ERC1: variants seen among roughly 807,000 people sequenced by gnomAD.
ERC1 encodes RAB6 interacting protein 2.
Under a neutral mutation model 132.0 loss-of-function variants are expected in ERC1, and 56 were observed. The ratio of observed to expected loss-of-function variants is 0.42; its 90% CI spans 0.34 to 0.53. The LOEUF is 0.53. Ranked by LOEUF, ERC1 falls within the 20% of genes least tolerant of loss-of-function variation. ERC1 has a pLI of 0.03. For synonymous variants in ERC1, 478 were observed against 476.1 expected, an observed-to-expected ratio of 1.00 and a Z score of -0.05; for missense variants, 1,202 against 1,349.9, an observed-to-expected ratio of 0.89 and a Z score of 1.72.
In ERC1 at chr12:1,041,752, G is replaced by A. The variant is rs1452531102; in HGVS notation, c.669+13180G>A. 3.9e-5 allele frequency among the ~76,000 whole-genome samples: 6 copies of A among 152,300 alleles called. No homozygotes were observed. The East Asian group carries it at 1.2e-3, about 29-fold the overall frequency. ...CTGTTCTTTAGTAACAGTGAGCAAT[G>A]GGAAAATGCTGTGAGTAATGGTGAG... On this transcript the variant is annotated intron_variant, in intron 2 of 18. Transcript: ENST00000360905.
chr12:1,033,610 T>TG (rs1968498176), intron 2 of ERC1, among the ~76,000 whole-genome samples: 1 of 152,034 alleles, frequency 6.6e-6, no homozygotes, highest in Non-Finnish European at 1.5e-5. Context: ...ATTACAGGCG[T>TG]GTGCCACCAT....
intron 1 of ERC1, among the ~76,000 whole-genome samples, chr12:1,023,239 G>T (rs1966636347): frequency 6.6e-6 from 1 of 152,164 alleles, no homozygotes; most frequent in African/African-American, 2.4e-5. Flanking sequence ...AATGGAGGAA[G>T]AGGATCAATT....
At chr12:1,144,669 C>G (rs1950187921) in intron 8 of ERC1, among the ~76,000 whole-genome samples, 1 of 137,622 alleles carries the variant, frequency 7.3e-6, no homozygotes, top group Non-Finnish European at 1.5e-5. Context: ...TATATACACA[C>G]CACATTTTCT....
In ERC1 at chr12:1,141,519, A is replaced by G. The variant is rs972785591; in HGVS notation, c.1570-101A>G. On this transcript the variant is annotated intron_variant, in intron 7 of 18. Coordinates refer to ENST00000360905, the MANE Select transcript of ERC1 (RefSeq NM_178040.4). ...TAGATAATACTACTTTTATAGAATA[A>G]CAAAACTCAACCTCTTTATAACCTT... 4.3e-6 allele frequency: 4 copies of G among 937,270 alleles called. No individual in the cohort carries two copies. In the African/African-American group the frequency reaches 6.7e-5, roughly 16 times the overall value. The allele number at this position is 937,270 out of a possible 1,614,324, so 58.1% of individuals were successfully genotyped here.
At chr12:1,490,005 C>T (rs2154434974) in intron 18 of ERC1, 88 bp from the exon 19 acceptor site, 1 of 1,404,502 alleles carries the variant, frequency 7.1e-7, no homozygotes, top group Non-Finnish European at 9.9e-7. Context: ...ATACAGAGTG[C>T]CTTTGTCATT....
At chr12:1,219,595 C>A (rs1958767878) in intron 12 of ERC1, among the ~76,000 whole-genome samples, 1 of 151,356 alleles carries the variant, frequency 6.6e-6, no homozygotes, top group Non-Finnish European at 1.5e-5. Context: ...TATATCACTT[C>A]TGTACTAGTC....
chr12:1,261,269 G>A (rs1176573418), intron 13 of ERC1, among the ~76,000 whole-genome samples: 4 of 152,198 alleles, frequency 2.6e-5, no homozygotes, highest in Non-Finnish European at 4.4e-5. Flanking sequence ...CAGTTTAAGA[G>A]TGGGATAGGA....
rs569456301 is a variant in ERC1, at chr12:1,403,973, G to A, written c.2926-4176G>A. Among the ~76,000 whole-genome samples the A allele has an allele frequency of 1.2e-4, 18 of 152,148 alleles. 1 individual carries two copies. The highest frequency in any genetic ancestry group is 4.3e-4 in the African/African-American group (18 of 41,522). On this transcript the variant is annotated intron_variant, in intron 16 of 18. Transcript: ENST00000360905. ...TTTCTTCTATTTTCCTTTTTTCTGA[G>A]AGCTGCTTTGCAGAAGACTTTGTCA...
intron 8 of ERC1, among the ~76,000 whole-genome samples, chr12:1,174,962 G>A (rs1176314907): frequency 6.6e-6 from 1 of 152,154 alleles, no homozygotes; most frequent in Non-Finnish European, 1.5e-5. Flanking sequence ...AGTAAAACGA[G>A]TCACACAAAT....
At chr12:1,296,387 A>G (rs73031206) in intron 15 of ERC1, among the ~76,000 whole-genome samples, 3,347 of 141,808 alleles carry the variant, frequency 0.024, 49 homozygotes, top group Middle Eastern at 0.067. Flanking sequence ...GAAATGAAAC[A>G]TTTATTGGAT....
intron 2 of ERC1, among the ~76,000 whole-genome samples, chr12:1,067,137 C>T (rs532722463): frequency 6.6e-6 from 1 of 152,226 alleles, no homozygotes; most frequent in South Asian, 2.1e-4. Flanking sequence ...ATAATACTTG[C>T]TCTATGGACG....
At chr12:1,352,618 C>G (rs754172915) in intron 15 of ERC1, among the ~76,000 whole-genome samples, 8 of 136,658 alleles carry the variant, frequency 5.9e-5, no homozygotes, top group Non-Finnish European at 1.3e-4. Flanking sequence ...AAACCCCCCA[C>G]ACACACAAAT....
chr12:1,205,553 C>T (rs1406138405), intron 12 of ERC1, among the ~76,000 whole-genome samples: 1 of 151,826 alleles, frequency 6.6e-6, no homozygotes, highest in Admixed American at 6.6e-5. Flanking sequence ...AAAATTTATG[C>T]CCCCTGCCCA....
intron 15 of ERC1, among the ~76,000 whole-genome samples, chr12:1,356,383 A>T (rs548930643): frequency 3.3e-5 from 5 of 152,272 alleles, no homozygotes; most frequent in East Asian, 1.9e-4. Flanking sequence ...TTTAAAACTT[A>T]AAAAATTGAG....
chr12:1,170,194 T>C (rs910656571), intron 8 of ERC1, among the ~76,000 whole-genome samples: 3 of 152,332 alleles, frequency 2.0e-5, no homozygotes, highest in African/African-American at 7.2e-5. Context: ...AACAAGTTTT[T>C]GTATCCTTAA....
intron 12 of ERC1, among the ~76,000 whole-genome samples, chr12:1,193,721 T>A (rs572166794): frequency 2.0e-4 from 31 of 152,276 alleles, no homozygotes; most frequent in African/African-American, 7.2e-4. Context: ...GCAGAATTCC[T>A]TTTCTCTCCT....
intron 16 of ERC1, among the ~76,000 whole-genome samples, chr12:1,384,209 C>G (rs952025368): frequency 6.6e-6 from 1 of 152,174 alleles, no homozygotes; most frequent in Non-Finnish European, 1.5e-5. Flanking sequence ...AGGACTGCCC[C>G]CAATTTTAAA....
chr12:1,059,595 A>G (rs903975455), intron 2 of ERC1, among the ~76,000 whole-genome samples: 2 of 152,196 alleles, frequency 1.3e-5, no homozygotes, highest in Non-Finnish European at 2.9e-5. Flanking sequence ...TGAGATAATC[A>G]TATGGATTTT....
At chr12:1,051,756 G>A (rs1333681620) in intron 2 of ERC1, among the ~76,000 whole-genome samples, 1 of 152,048 alleles carries the variant, frequency 6.6e-6, no homozygotes, top group Non-Finnish European at 1.5e-5. Flanking sequence ...TGACCACCTG[G>A]GGGATGTGGG....
Sources: gnomAD v4.1 joint callset for allele counts (sites outside exome capture counted in the v4.1 genomes callset) on GRCh38, gnomAD v4.1.1 for gene constraint, MANE v1.5 for transcripts, NCBI Gene and HGNC (gene_info 2026-07-23, HGNC 2026-07-21) for gene names.